HTR3B: variants seen among roughly 807,000 people sequenced by gnomAD.
HTR3B encodes the protein 5-hydroxytryptamine (serotonin) receptor 3B, ionotropic.
Under a neutral mutation model 42.8 loss-of-function variants are expected in HTR3B, and 44 were observed. The observed-to-expected ratio is 1.03, with a 90% confidence interval of 0.81 to 1.32. The LOEUF (loss-of-function observed/expected upper bound fraction) is 1.32, where lower values mean the gene tolerates loss of function less well. HTR3B is among the 40% of genes most tolerant of loss of function. HTR3B has a pLI of 0.00. For missense variants in HTR3B, 527 were observed against 536.5 expected, an observed-to-expected ratio of 0.98 and a Z score of 0.17; for synonymous variants, 203 against 209.0, an observed-to-expected ratio of 0.97 and a Z score of 0.25.
At chr11:113,941,074 T>G (rs955685249) in intron 6 of HTR3B, among the ~76,000 whole-genome samples, 2 of 152,210 alleles carry the variant, frequency 1.3e-5, no homozygotes, top group African/African-American at 4.8e-5. Flanking sequence ...CTACCAAGTT[T>G]GCAGCGAGGA....
chr11:113,922,162 G>A (rs1949922687), intron 2 of HTR3B, among the ~76,000 whole-genome samples: 2 of 152,066 alleles, frequency 1.3e-5, no homozygotes, highest in South Asian at 2.1e-4. Context: ...TTTCTCCAAG[G>A]TAAGAGCACT....
chr11:113,908,287 G>A (rs559572793), intron 1 of HTR3B, among the ~76,000 whole-genome samples: 48 of 152,248 alleles, frequency 3.2e-4, no homozygotes, highest in African/African-American at 1.0e-3. Context: ...CAGGATTGTC[G>A]CACAGGGAGA....
chr11:113,932,228 C>T (rs996758735), intron 4 of HTR3B, 61 bp from the exon 5 acceptor site: 37 of 1,377,168 alleles, frequency 2.7e-5, no homozygotes, highest in East Asian at 4.6e-5. Context: ...CCTAATCAGC[C>T]TATGTTTTGA....
At chr11:113,940,742 A>G (rs954345513) in intron 6 of HTR3B, among the ~76,000 whole-genome samples, 8 of 152,182 alleles carry the variant, frequency 5.3e-5, no homozygotes, top group African/African-American at 1.9e-4. Flanking sequence ...TCTTATCAGC[A>G]AGGTGATGTT....
At chr11:113,939,159 G>GT (rs1449276195) in intron 6 of HTR3B, among the ~76,000 whole-genome samples, 3 of 152,172 alleles carry the variant, frequency 2.0e-5, no homozygotes. Context: ...GGATGAGGTG[G>GT]TTTTGGAAGG....
At chr11:113,902,365 C>T (rs894038634), upstream of HTR3B, among the ~76,000 whole-genome samples, 10 of 151,274 alleles carry the variant, frequency 6.6e-5, no homozygotes, top group Non-Finnish European at 1.2e-4. Flanking sequence ...GGTGTGATCT[C>T]GGCTCAGTGC....
At chr11:113,922,514 A>C (rs889093876) in intron 2 of HTR3B, among the ~76,000 whole-genome samples, 1 of 150,924 alleles carries the variant, frequency 6.6e-6, no homozygotes, top group Non-Finnish European at 1.5e-5. Flanking sequence ...GATTACAGGC[A>C]TGAGCCGCCG....
intron 6 of HTR3B, among the ~76,000 whole-genome samples, chr11:113,939,597 G>A (rs1950117911): frequency 6.6e-6 from 1 of 152,076 alleles, no homozygotes; most frequent in Non-Finnish European, 1.5e-5. Context: ...GGACCTTGAG[G>A]GGCCACACCA....
At chr11:113,905,288 G>T (rs1019870465) in intron 1 of HTR3B, among the ~76,000 whole-genome samples, 3 of 152,164 alleles carry the variant, frequency 2.0e-5, no homozygotes, top group Non-Finnish European at 2.9e-5. Flanking sequence ...CAAGCTCTCT[G>T]CAGGTTGATT....
intron 6 of HTR3B, among the ~76,000 whole-genome samples, chr11:113,936,639 T>G (rs1950094528): frequency 1.3e-5 from 2 of 152,206 alleles, no homozygotes; most frequent in Admixed American, 1.3e-4. Context: ...ACTGACTTTC[T>G]GCTAATCCAG....
intron 2 of HTR3B, among the ~76,000 whole-genome samples, chr11:113,918,131 G>A (rs1949874939): frequency 6.6e-6 from 1 of 151,918 alleles, no homozygotes; most frequent in South Asian, 2.1e-4. Context: ...TATATAGGCA[G>A]GCCCTGTGTA....
Position 113,932,922 on chromosome 11 carries a change from T to C in HTR3B, c.539-14T>C. 1.9e-6 allele frequency: 3 copies of C among 1,611,754 alleles called. No individual in the cohort carries two copies. The highest frequency in any genetic ancestry group is 1.1e-5 in the South Asian group (1 of 90,824). On this transcript the variant is annotated splice_polypyrimidine_tract_variant and intron_variant, in intron 5 of 8. Coordinates refer to ENST00000260191, the MANE Select transcript of HTR3B (RefSeq NM_006028.5). ...TTTCTCTCTGGGAAAGTCAATTGTT[T>C]GTGTTGTTTGCAGTGGAAGACGTAG...
chr11:113,912,225 A>G (rs1293094177), intron 2 of HTR3B, among the ~76,000 whole-genome samples: 1 of 152,000 alleles, frequency 6.6e-6, no homozygotes, highest in Non-Finnish European at 1.5e-5. Flanking sequence ...CTTTTTGTGT[A>G]TATGTTTCCA....
chr11:113,907,204 T>A (rs1449209239), intron 1 of HTR3B, among the ~76,000 whole-genome samples: 1 of 152,232 alleles, frequency 6.6e-6, no homozygotes, highest in East Asian at 1.9e-4. Context: ...AAGTGAATCA[T>A]TTGAAGCTGA....
intron 6 of HTR3B, among the ~76,000 whole-genome samples, chr11:113,939,698 G>C (rs538780681): frequency 6.6e-6 from 1 of 152,224 alleles, no homozygotes; most frequent in Non-Finnish European, 1.5e-5. Context: ...CTTTACATAG[G>C]GACGTGCTGT....
At chr11:113,910,201 A>T (rs1447967558) in intron 2 of HTR3B, among the ~76,000 whole-genome samples, 1 of 152,130 alleles carries the variant, frequency 6.6e-6, no homozygotes, top group African/African-American at 2.4e-5. Flanking sequence ...GGGGGCTTTT[A>T]TACCTAAAGC....
chr11:113,916,661 C>A (rs568722698), intron 2 of HTR3B, among the ~76,000 whole-genome samples: 1 of 152,312 alleles, frequency 6.6e-6, no homozygotes, highest in South Asian at 2.1e-4. Flanking sequence ...CTTAACAATA[C>A]TGAGTTATCC....
At chr11:113,914,738 G>C (rs761145513) in intron 2 of HTR3B, among the ~76,000 whole-genome samples, 1 of 151,988 alleles carries the variant, frequency 6.6e-6, no homozygotes, top group Non-Finnish European at 1.5e-5. Context: ...ATCTGGTTTT[G>C]GTATCAGGAT....
At chr11:113,929,353 A>G (rs968141464) in intron 2 of HTR3B, among the ~76,000 whole-genome samples, 2 of 151,992 alleles carry the variant, frequency 1.3e-5, no homozygotes, top group Admixed American at 1.3e-4. Context: ...ATTTCTCACA[A>G]TTCTGGAGGC....
Sources: allele counts gnomAD v4.1 joint callset (sites outside exome capture counted in the v4.1 genomes callset), GRCh38; gene constraint gnomAD v4.1.1; transcripts MANE v1.5; gene names NCBI Gene and HGNC (gene_info 2026-07-23, HGNC 2026-07-21).